Variants in CADPS observed in about 807,000 individuals in gnomAD.
CADPS encodes the protein calcium-dependent secretion activator 1.
In CADPS, 57 loss-of-function variants were observed where a neutral mutation model predicts 167.3. The ratio of observed to expected loss-of-function variants is 0.34; its 90% CI spans 0.28 to 0.42. The LOEUF (loss-of-function observed/expected upper bound fraction) is 0.42. CADPS is among the 20% of genes least tolerant of loss of function. The pLI is 1.00. For missense variants in CADPS, 1,414 were observed against 1,738.1 expected (o/e 0.81, Z 3.32); for synonymous variants, 676 against 635.3 (o/e 1.06, Z -0.96).
chr3:62,599,797 A>ATTATATATT (rs1553969034), intron 6 of CADPS, among the ~76,000 whole-genome samples: 1 of 8,542 alleles, frequency 1.2e-4, no homozygotes, highest in South Asian at 4.6e-3. Flanking sequence ...TAATATATAT[A>ATTATATATT]ATATATAATA....
chr3:62,858,508 T>C (rs2080135184), intron 1 of CADPS, among the ~76,000 whole-genome samples: 1 of 152,146 alleles, frequency 6.6e-6, no homozygotes, highest in South Asian at 2.1e-4. Flanking sequence ...CAGCTGTATC[T>C]ACTTCTAAAG....
rs1448676889 is a variant in CADPS, at chr3:62,858,912, G to A, written c.441+15677C>T. 2.0e-5 allele frequency among the ~76,000 whole-genome samples: 3 copies of A among 152,088 alleles called. No individual in the cohort carries two copies. The East Asian group carries it at 5.8e-4, about 29-fold the overall frequency. Reference sequence around the variant, plus strand: ...TGTTGCTATCATATTTATAGAAAATGTTTGGATTTTTAAAAAAACTTAGGA... The same window carrying A: ...TGTTGCTATCATATTTATAGAAAATATTTGGATTTTTAAAAAAACTTAGGA... On this transcript the variant is annotated intron_variant, in intron 1 of 29. Transcript: ENST00000383710.
At chr3:62,508,117 A>G (rs1461142895) in intron 17 of CADPS, among the ~76,000 whole-genome samples, 1 of 152,170 alleles carries the variant, frequency 6.6e-6, no homozygotes. Context: ...TGACTCTAAC[A>G]TGTGGATGCT....
In CADPS at chr3:62,570,509, T is replaced by A. The variant is rs890760761; in HGVS notation, c.1644+363A>T. The stretch of plus-strand genomic sequence containing the variant: ...ATGTCCCTATAGCCCTCACTTGGCA[T>A]GAGCTTGCTCCCTTCTGGAATCCTC... On this transcript the variant is annotated intron_variant, in intron 9 of 29. Coordinates refer to ENST00000383710, the MANE Select transcript of CADPS (RefSeq NM_003716.4). Among the ~76,000 whole-genome samples, 8 of 152,302 alleles carry A rather than the reference T, an allele frequency of 5.3e-5. 1 individual carries two copies. Among genetic ancestry groups the A allele is most frequent in the Non-Finnish European group, 1.5e-5 (1 of 68,018 alleles).
At chr3:62,859,286 A>G (rs2080306375) in intron 1 of CADPS, among the ~76,000 whole-genome samples, 1 of 152,204 alleles carries the variant, frequency 6.6e-6, no homozygotes, top group South Asian at 2.1e-4. Context: ...CTTATGCTGC[A>G]GCAGACTTGT....
At chr3:62,582,335 A>G (rs892837683) in intron 8 of CADPS, among the ~76,000 whole-genome samples, 1 of 152,184 alleles carries the variant, frequency 6.6e-6, no homozygotes, top group African/African-American at 2.4e-5. Flanking sequence ...GGTCCCAGCT[A>G]CTTGGGAAGC....
intron 6 of CADPS, among the ~76,000 whole-genome samples, chr3:62,621,150 T>A (rs940987686): frequency 3.3e-5 from 5 of 152,180 alleles, no homozygotes; most frequent in African/African-American, 1.2e-4. Context: ...TCTCTGGATA[T>A]GGGGGCACCG....
chr3:62,522,428 T>G (rs916769648), intron 13 of CADPS, among the ~76,000 whole-genome samples: 2 of 152,176 alleles, frequency 1.3e-5, no homozygotes, highest in Admixed American at 1.3e-4. Context: ...CATGAGCCAC[T>G]GGACCCAGCC....
In CADPS at chr3:62,669,079, G is replaced by A. The variant is rs566806365; in HGVS notation, c.889-6685C>T. On this transcript the variant is annotated intron_variant, in intron 3 of 29. Coordinates refer to ENST00000383710, the MANE Select transcript of CADPS (RefSeq NM_003716.4). Reference sequence around the variant, plus strand: ...AAAGCGTTCCTTATTCTGGGAATTGGGGATGGAGACAGGGGTCTCTATAAG... The same window carrying A: ...AAAGCGTTCCTTATTCTGGGAATTGAGGATGGAGACAGGGGTCTCTATAAG... Among the ~76,000 whole-genome samples, 3 of 152,308 alleles carry A rather than the reference G, an allele frequency of 2.0e-5. No individual in the cohort carries two copies. In the East Asian group the frequency reaches 5.8e-4, roughly 29 times the overall value.
intron 6 of CADPS, among the ~76,000 whole-genome samples, chr3:62,609,306 T>C (rs768110797): frequency 2.6e-5 from 4 of 152,114 alleles, no homozygotes; most frequent in Non-Finnish European, 5.9e-5. Context: ...ATGTTAGAGA[T>C]AGATTCACGG....
At chr3:62,644,920 G>T (rs796636180) in intron 6 of CADPS, among the ~76,000 whole-genome samples, 1 of 152,160 alleles carries the variant, frequency 6.6e-6, no homozygotes, top group Non-Finnish European at 1.5e-5. Context: ...ACTTTCTGAT[G>T]TCCCCATGAA....
At chr3:62,418,352 G>A (rs1281075444) in intron 28 of CADPS, among the ~76,000 whole-genome samples, 5 of 140,240 alleles carry the variant, frequency 3.6e-5, no homozygotes, top group African/African-American at 7.9e-5. Flanking sequence ...TTTGAGACAG[G>A]GTCTTACTTT....
intron 6 of CADPS, among the ~76,000 whole-genome samples, chr3:62,642,295 T>TA (rs139438244): frequency 0.012 from 1,882 of 152,140 alleles, 40 homozygotes; most frequent in African/African-American, 0.044. Flanking sequence ...CAGCTGGCTG[T>TA]AAAAATAGTC....
At chr3:62,504,462 C>A (rs1057406050) in intron 17 of CADPS, among the ~76,000 whole-genome samples, 2 of 152,156 alleles carry the variant, frequency 1.3e-5, no homozygotes, top group Admixed American at 6.5e-5. Flanking sequence ...GTTAACTGAA[C>A]CTGGGTAGAG....
chr3:62,441,457 C>A (rs2056301124), intron 27 of CADPS, among the ~76,000 whole-genome samples: 1 of 152,156 alleles, frequency 6.6e-6, no homozygotes, highest in Non-Finnish European at 1.5e-5. Context: ...CTTATGAATG[C>A]AAATCTCCTA....
chr3:62,649,679 G>A (rs189308301), intron 5 of CADPS, among the ~76,000 whole-genome samples: 59 of 145,058 alleles, frequency 4.1e-4, no homozygotes, highest in African/African-American at 1.2e-3. Context: ...TCCCACCTCA[G>A]CCTCCCAAGG....
At chr3:62,447,040 T>G (rs923422978) in intron 26 of CADPS, among the ~76,000 whole-genome samples, 1 of 152,178 alleles carries the variant, frequency 6.6e-6, no homozygotes, top group African/African-American at 2.4e-5. Flanking sequence ...TCAATGCTAG[T>G]TTCCAAAATG....
chr3:62,485,900 C>G (rs1450355232), intron 21 of CADPS, among the ~76,000 whole-genome samples: 1 of 152,148 alleles, frequency 6.6e-6, no homozygotes. Context: ...GGGAGGTGAA[C>G]TGAGGGAGGA....
chr3:62,471,548 T>A (rs1156465034), intron 24 of CADPS, among the ~76,000 whole-genome samples: 3 of 152,102 alleles, frequency 2.0e-5, no homozygotes, highest in African/African-American at 7.2e-5. Flanking sequence ...CAGATCAAAG[T>A]GACTTGGCTT....
Sources: gnomAD v4.1 joint callset for allele counts (sites outside exome capture counted in the v4.1 genomes callset) on GRCh38, gnomAD v4.1.1 for gene constraint, MANE v1.5 for transcripts, NCBI Gene and HGNC (gene_info 2026-07-23, HGNC 2026-07-21) for gene names.